The following CHN2 variants were observed in gnomAD, a reference collection of about 807,000 sequenced individuals.
The protein encoded by CHN2 is chimerin 2.
CHN2 carries 35 observed loss-of-function variants against 56.3 expected under a neutral mutation model. The ratio of observed to expected loss-of-function variants is 0.62; its 90% CI spans 0.47 to 0.82. The LOEUF is 0.82. Ranked by LOEUF, CHN2 falls within the 40% of genes least tolerant of loss-of-function variation. CHN2 has a pLI of 0.00. For missense variants in CHN2, 491 were observed against 580.5 expected (o/e 0.85, Z 1.58); for synonymous variants, 210 against 212.8 (o/e 0.99, Z 0.12).
At position 29,455,602 on chromosome 7, in the gene CHN2, T is replaced by C. The variant is rs192852701; in HGVS notation, c.577-24677T>C. Among the ~76,000 whole-genome samples, 825 of 152,274 alleles carry C rather than the reference T, an allele frequency of 5.4e-3. 4 individuals carry two copies. The highest frequency in any genetic ancestry group is 0.019 in the African/African-American group (772 of 41,536). On this transcript the variant is annotated intron_variant, in intron 6 of 12. Transcript: ENST00000222792. ...ATTGTTCCTAGCCCATTTTCAGATA[T>C]CCATCTTACAAGTATTATTTTTAAA... is the stretch of plus-strand genomic sequence containing the variant.
chr7:29,350,247 A>T (rs1302967387), intron 1 of CHN2, among the ~76,000 whole-genome samples: 1 of 152,042 alleles, frequency 6.6e-6, no homozygotes, highest in Non-Finnish European at 1.5e-5. Context: ...CATTTTCCTC[A>T]TTTGCCAAAT....
chr7:29,434,286 G>A (rs1783062621), intron 6 of CHN2, among the ~76,000 whole-genome samples: 1 of 152,126 alleles, frequency 6.6e-6, no homozygotes, highest in African/African-American at 2.4e-5. Flanking sequence ...AACCCACCAT[G>A]TTCTCTGCCA....
chr7:29,420,435 T>C (rs1804219004), intron 6 of CHN2, among the ~76,000 whole-genome samples: 1 of 152,238 alleles, frequency 6.6e-6, no homozygotes, highest in South Asian at 2.1e-4. Context: ...GAACATACTT[T>C]AGCTTTAGCT....
At chr7:29,237,164 C>T (rs1394475575) in intron 1 of CHN2, among the ~76,000 whole-genome samples, 3 of 152,230 alleles carry the variant, frequency 2.0e-5, no homozygotes, top group Non-Finnish European at 2.9e-5. Context: ...ACCTTTATAA[C>T]TCCAGGATGG....
At chr7:29,319,870 C>T (rs1199687925) in intron 1 of CHN2, among the ~76,000 whole-genome samples, 1 of 152,182 alleles carries the variant, frequency 6.6e-6, no homozygotes, top group African/African-American at 2.4e-5. Flanking sequence ...GTGAACGAGC[C>T]AGTGTTGTCG....
rs958551206 is a variant in CHN2, at chr7:29,217,770, A to G, written c.49+22780A>G. Among the ~76,000 whole-genome samples, 6 of 152,290 alleles carry G rather than the reference A, an allele frequency of 3.9e-5. No homozygotes were observed. The South Asian group carries it at 1.2e-3, about 32-fold the overall frequency. On this transcript the variant is annotated intron_variant, in intron 1 of 12. Transcript: ENST00000222792. ...GCTCCTAAGGATATCTGAATAAAAG[A>G]TACGTATCTGATAATTTGCCATCTC... is the stretch of plus-strand genomic sequence containing the variant.
At chr7:29,456,932 A>G (rs1483399925) in intron 6 of CHN2, among the ~76,000 whole-genome samples, 1 of 152,044 alleles carries the variant, frequency 6.6e-6, no homozygotes, top group Non-Finnish European at 1.5e-5. Flanking sequence ...CATCTTCCCC[A>G]TCTGCAGCCC....
intron 2 of CHN2, among the ~76,000 whole-genome samples, chr7:29,147,750 G>A (rs1792956567): frequency 6.6e-6 from 1 of 152,128 alleles, no homozygotes. Flanking sequence ...AATATATGCA[G>A]GACCCAGGGC....
At chr7:29,227,333 G>C (rs1367897711) in intron 1 of CHN2, among the ~76,000 whole-genome samples, 3 of 152,180 alleles carry the variant, frequency 2.0e-5, no homozygotes, top group Non-Finnish European at 4.4e-5. Flanking sequence ...TCTGGCAGCA[G>C]CATCCTGTAC....
intron 1 of CHN2, among the ~76,000 whole-genome samples, chr7:29,280,154 C>T (rs575063736): frequency 7.2e-5 from 11 of 152,140 alleles, no homozygotes; most frequent in South Asian, 2.1e-4. Context: ...GAGGCTGAGG[C>T]GGGTGGATCA....
At chr7:29,314,887 GTTATAT>G (rs1423723058) in intron 1 of CHN2, among the ~76,000 whole-genome samples, 1 of 150,610 alleles carries the variant, frequency 6.6e-6, no homozygotes, top group Non-Finnish European at 1.5e-5. Context: ...ATATATAATT[GTTATAT>G]TTAATCAAGC....
At chr7:29,345,263 A>C (rs1407874795) in intron 1 of CHN2, among the ~76,000 whole-genome samples, 1 of 152,230 alleles carries the variant, frequency 6.6e-6, no homozygotes, top group South Asian at 2.1e-4. Flanking sequence ...AGGACAAGAT[A>C]AATAGGTTCC....
chr7:29,263,937 GC>G (rs1033870666), intron 1 of CHN2, among the ~76,000 whole-genome samples: 1 of 150,856 alleles, frequency 6.6e-6, no homozygotes, highest in Non-Finnish European at 1.5e-5. Context: ...CTGGGGGGCA[GC>G]CCCCGCCCGG....
intron 7 of CHN2, among the ~76,000 whole-genome samples, chr7:29,481,787 T>A (rs897133087): frequency 6.6e-6 from 1 of 151,956 alleles, no homozygotes; most frequent in Non-Finnish European, 1.5e-5. Context: ...ACACTACTAG[T>A]GATGAGAGGA....
At chr7:29,367,647 C>T (rs893552834) in intron 2 of CHN2, among the ~76,000 whole-genome samples, 1 of 152,086 alleles carries the variant, frequency 6.6e-6, no homozygotes, top group Non-Finnish European at 1.5e-5. Flanking sequence ...CATATTTAGT[C>T]TTCCACGAAA....
chr7:29,388,004 A>C (rs3793273), intron 3 of CHN2, among the ~76,000 whole-genome samples: 133,815 of 152,184 alleles, frequency 0.88, 59,166 homozygotes, highest in Non-Finnish European at 0.93. Flanking sequence ...TATTGTGAAA[A>C]GATTGCTATT....
intron 6 of CHN2, among the ~76,000 whole-genome samples, chr7:29,457,574 C>T (rs1161634835): frequency 6.6e-6 from 1 of 152,102 alleles, no homozygotes; most frequent in African/African-American, 2.4e-5. Context: ...TAATTATACC[C>T]ACATGGGGTA....
At chr7:29,277,590 C>A (rs1335506986) in intron 1 of CHN2, among the ~76,000 whole-genome samples, 1 of 152,220 alleles carries the variant, frequency 6.6e-6, no homozygotes, top group African/African-American at 2.4e-5. Context: ...CCCTTTCAAG[C>A]ATGGGGAGAA....
At chr7:29,469,415 C>T (rs1785839599) in intron 6 of CHN2, among the ~76,000 whole-genome samples, 1 of 152,228 alleles carries the variant, frequency 6.6e-6, no homozygotes, top group Non-Finnish European at 1.5e-5. Context: ...GCAGTGGCTG[C>T]TCACGTCACT....
Sources: allele counts gnomAD v4.1 joint callset (sites outside exome capture counted in the v4.1 genomes callset), GRCh38; gene constraint gnomAD v4.1.1; transcripts MANE v1.5; gene names NCBI Gene and HGNC (gene_info 2026-07-23, HGNC 2026-07-21).